Variants in MYOM3 observed in about 807,000 individuals in gnomAD.
MYOM3 encodes myomesin-3.
A neutral mutation model predicts 191.7 loss-of-function variants in MYOM3; 155 were observed. That is an observed-to-expected ratio of 0.81 (90% CI 0.71 to 0.92). The LOEUF is 0.92. MYOM3 is among the 40% of genes least tolerant of loss of function. The pLI is 0.00. For synonymous variants in MYOM3, 757 were observed against 762.9 expected (o/e 0.99, Z 0.13); for missense variants, 1,889 against 1,890.6 (o/e 1.00, Z 0.02).
intron 32 of MYOM3, among the ~76,000 whole-genome samples, chr1:24,062,810 T>C (rs1643386417): frequency 6.6e-6 from 1 of 152,222 alleles, no homozygotes; most frequent in African/African-American, 2.4e-5. Context: ...AGTTCCCAGC[T>C]GCTGCCCAGA....
Position 24,057,235 on chromosome 1 carries a change from T to G in MYOM3, c.*129A>C. Reference sequence around the variant, plus strand: ...CATCCGCTCCACCCCCACCCTCACATCCTGGGTTCTATCTTGTCCCCTTTC... The same window carrying G: ...CATCCGCTCCACCCCCACCCTCACAGCCTGGGTTCTATCTTGTCCCCTTTC... On this transcript the variant is annotated 3_prime_UTR_variant, in exon 37 of 37. Transcript: ENST00000374434. 1.1e-6 allele frequency: 1 copy of G among 881,172 alleles called. No homozygotes were observed. Among genetic ancestry groups the G allele is most frequent in the South Asian group, 1.8e-5 (1 of 56,124 alleles). The allele number at this position is 881,172 out of a possible 1,614,324, so 54.6% of individuals were successfully genotyped here. A position where few individuals can be genotyped will look rare whatever the true frequency, so the allele number is the denominator to read the frequency against.
chr1:24,094,797 T>G (rs530030012), intron 9 of MYOM3, 56 bp downstream of exon 9: 2 of 1,549,854 alleles, frequency 1.3e-6, no homozygotes, highest in Non-Finnish European at 1.7e-6. Flanking sequence ...TGGCTCTGAG[T>G]TGAGCTTTGG....
At chr1:24,100,026 G>A (rs757545029) in intron 5 of MYOM3, among the ~76,000 whole-genome samples, 1 of 152,006 alleles carries the variant, frequency 6.6e-6, no homozygotes, top group South Asian at 2.1e-4. Flanking sequence ...CTTCCACCAC[G>A]CCCGGCTAAT....
At chr1:24,069,051 GA>G (rs1358857809) in intron 25 of MYOM3, among the ~76,000 whole-genome samples, 2 of 151,914 alleles carry the variant, frequency 1.3e-5, no homozygotes, top group South Asian at 2.1e-4. Context: ...TTTAAAATAG[GA>G]AAAACCCCAT....
chr1:24,099,587 G>A (rs1383007670), intron 6 of MYOM3, 93 bp downstream of exon 6: 1 of 971,266 alleles, frequency 1.0e-6, no homozygotes, highest in East Asian at 2.4e-5. Flanking sequence ...GGTGAACTTG[G>A]GCCTCAGCTC....
Position 24,093,124 on chromosome 1 carries a change from G to T in MYOM3, c.929-16C>A. The T allele has an allele frequency of 6.3e-7, 1 of 1,599,480 alleles. No homozygotes were observed. The highest frequency in any genetic ancestry group is 8.5e-7 in the Non-Finnish European group (1 of 1,177,070). On this transcript the variant is annotated splice_polypyrimidine_tract_variant and intron_variant, in intron 9 of 36. Transcript: ENST00000374434. ...AGTAGGCTCCCTGTGGAGGGGAAGT[G>T]GGGGGCCATTGAGTTTGTGGGGGGT...
At chr1:24,097,820 G>C in intron 7 of MYOM3, 103 bp downstream of exon 7, 1 of 831,544 alleles carries the variant, frequency 1.2e-6, no homozygotes. Context: ...GAACAGCCTT[G>C]TGCCTATGGC....
rs201910790 is a variant in MYOM3 at position 24,093,038 on chromosome 1, G to A, written c.999C>T (p.Ser333=). Residue 333 remains serine, a synonymous_variant, in exon 10 of 37, where the codon TCC becomes TCT. Coordinates refer to ENST00000374434, the MANE Select transcript of MYOM3 (RefSeq NM_152372.4). ...GCCCCTCGTCCTCCTTGTAGGTGCA[G>A]GACACCTTCAGGGATGCCTGGCGGT... is the stretch of plus-strand genomic sequence containing the variant. The part of the protein sequence containing the change: ...YTDRQASLKV[S]CTYKEDEGLY... 228 of 1,613,008 alleles carry A rather than the reference G, an allele frequency of 1.4e-4. 1 individual carries two copies. In the South Asian group the frequency reaches 1.6e-3, roughly 11 times the overall value.
At position 24,057,225 on chromosome 1, in the gene MYOM3, C is replaced by A; in HGVS notation, c.*139G>T. The A allele has an allele frequency of 1.2e-6, 1 of 852,712 alleles. No individual in the cohort carries two copies. The highest frequency in any genetic ancestry group is 1.8e-6 in the Non-Finnish European group (1 of 563,244). The allele number at this position is 852,712 out of a possible 1,614,324, so 52.8% of individuals were successfully genotyped here. On this transcript the variant is annotated 3_prime_UTR_variant, in exon 37 of 37. Coordinates refer to ENST00000374434, the MANE Select transcript of MYOM3 (RefSeq NM_152372.4). ...CACTTTGGTGCATCCGCTCCACCCC[C>A]ACCCTCACATCCTGGGTTCTATCTT...
rs779027669 is a variant in MYOM3 at position 24,108,004 on chromosome 1, G to A, written c.231C>T (p.Ser77=). The A allele has an allele frequency of 3.2e-5, 51 of 1,613,512 alleles. No individual in the cohort carries two copies. The East Asian group carries it at 7.6e-4, about 24-fold the overall frequency. The change falls in exon 3 of 37, where the codon TCC becomes TCT. Residue 77 remains serine, a synonymous_variant. Coordinates refer to ENST00000374434, the MANE Select transcript of MYOM3 (RefSeq NM_152372.4). ...CTTCTCTGACTCACCAAGACAGCTCGGAGGAGGCCGTCAGAGCCAGGGCTG... is the reference window on the plus strand; with the variant it reads ...CTTCTCTGACTCACCAAGACAGCTCAGAGGAGGCCGTCAGAGCCAGGGCTG... ...LAAALALTAS[S]ELSWEAQLRR... is the part of the protein sequence containing the mutation.
chr1:24,089,726 T>A, intron 13 of MYOM3, 61 bp from the exon 14 acceptor site: 1 of 1,504,178 alleles, frequency 6.6e-7, no homozygotes, highest in Non-Finnish European at 8.9e-7. Flanking sequence ...CTAATCTCAG[T>A]GCCTCATTCC....
intron 6 of MYOM3, among the ~76,000 whole-genome samples, chr1:24,098,594 C>T (rs1570883936): frequency 6.6e-6 from 1 of 152,338 alleles, no homozygotes; most frequent in East Asian, 1.9e-4. Context: ...TGTGGCACCT[C>T]TGGCCCCATT....
At position 24,081,324 on chromosome 1, in the gene MYOM3, T is replaced by C. The variant is rs2148550876; in HGVS notation, c.2407+6A>G. On this transcript the variant is annotated splice_donor_region_variant and intron_variant, in intron 19 of 36. Transcript: ENST00000374434. ...GCACTGGACTTCAGGCCTGCAGGCC[T>C]CTCACCTGGCTGGGGCATTGTCCAC... is the stretch of plus-strand genomic sequence containing the variant. The C allele has an allele frequency of 6.2e-7, 1 of 1,613,522 alleles. No individual in the cohort carries two copies. Among genetic ancestry groups the C allele is most frequent in the Non-Finnish European group, 8.5e-7 (1 of 1,179,950 alleles).
At chr1:24,108,137 G>T in intron 2 of MYOM3, 64 bp from the exon 3 acceptor site, 4 of 1,487,260 alleles carry the variant, frequency 2.7e-6, no homozygotes, top group Non-Finnish European at 3.7e-6. Context: ...CCTGAGATTA[G>T]GGCTGCATCT....
Position 24,090,687 on chromosome 1 carries a change from T to C in MYOM3, c.1432+110A>G, listed in dbSNP as rs1238405366. 3 of 1,084,016 alleles carry C rather than the reference T, an allele frequency of 2.8e-6. No homozygotes were observed. In the East Asian group the frequency reaches 7.3e-5, roughly 26 times the overall value. The allele number at this position is 1,084,016 out of a possible 1,614,324, so 67.1% of individuals were successfully genotyped here. On this transcript the variant is annotated intron_variant, in intron 12 of 36. Coordinates refer to ENST00000374434, the MANE Select transcript of MYOM3 (RefSeq NM_152372.4). ...TGTTTACTGAGGGCTGGGCTGTGCTTCCTCCACCAGACTCGGGGCTCCTGA... is the reference window on the plus strand; with the variant it reads ...TGTTTACTGAGGGCTGGGCTGTGCTCCCTCCACCAGACTCGGGGCTCCTGA...
At position 24,061,810 on chromosome 1, in the gene MYOM3, T is replaced by C. The variant is rs1338658475; in HGVS notation, c.3934+136A>G. ...TCTCACTATGTTGCCCAGACTGGTCTCAAACTCCAGAGCTCAAGCGATCCT... is the reference window on the plus strand; with the variant it reads ...TCTCACTATGTTGCCCAGACTGGTCCCAAACTCCAGAGCTCAAGCGATCCT... On this transcript the variant is annotated intron_variant, in intron 33 of 36. Coordinates refer to ENST00000374434, the MANE Select transcript of MYOM3 (RefSeq NM_152372.4). 3.2e-6 allele frequency: 3 copies of C among 933,960 alleles called. No individual in the cohort carries two copies. The East Asian group carries it at 7.4e-5, about 23-fold the overall frequency. The allele number at this position is 933,960 out of a possible 1,614,324, so 57.9% of individuals were successfully genotyped here.
chr1:24,102,407 C>T (rs1643943921), intron 5 of MYOM3, among the ~76,000 whole-genome samples: 1 of 152,162 alleles, frequency 6.6e-6, no homozygotes, highest in Non-Finnish European at 1.5e-5. Context: ...CTGGAAAAAG[C>T]AGCTGCTGTG....
At chr1:24,092,060 G>T in intron 11 of MYOM3, 114 bp downstream of exon 11, 3 of 1,040,106 alleles carry the variant, frequency 2.9e-6, no homozygotes, top group Non-Finnish European at 3.9e-6. Context: ...TTTCTGAGGA[G>T]CGGGGGTGTG....
chr1:24,075,364 C>T lies in MYOM3; in HGVS notation c.2813G>A (p.Gly938Asp), dbSNP rs981430619. 10 of 1,612,728 alleles carry T rather than the reference C, an allele frequency of 6.2e-6. No homozygotes were observed. Among genetic ancestry groups the T allele is most frequent in the Admixed American group, 3.3e-5 (2 of 59,946 alleles). The change falls in exon 22 of 37, where the codon GGC becomes GAC. Residue 938 changes from glycine to aspartate, a missense_variant. Physicochemically the swap from Gly to Asp is moderately conservative, Grantham distance 94. Coordinates refer to ENST00000374434, the MANE Select transcript of MYOM3 (RefSeq NM_152372.4). ...SEFQWSKDYK[G>D]PLDPQRVKIE... ...CTTGACCCTCTGGGGGTCCAGTGGG[C>T]CCTTGTAGTCTTTGGACCACTGAAA...
Sources: allele counts gnomAD v4.1 joint callset (sites outside exome capture counted in the v4.1 genomes callset), GRCh38; gene constraint gnomAD v4.1.1; transcripts MANE v1.5; gene names NCBI Gene and HGNC (gene_info 2026-07-23, HGNC 2026-07-21).